Variants in UCHL5 observed in about 807,000 individuals in gnomAD.
The protein encoded by UCHL5 is ubiquitin C-terminal hydrolase L5, also known as ubiquitin carboxyl-terminal hydrolase isozyme L5.
In UCHL5, 34 loss-of-function variants were observed where a neutral mutation model predicts 53.8. That is an observed-to-expected ratio of 0.63 (90% CI 0.48 to 0.84). The LOEUF (loss-of-function observed/expected upper bound fraction) is 0.84. Ranked by LOEUF, UCHL5 falls within the 40% of genes least tolerant of loss-of-function variation. The pLI, the probability that UCHL5 is intolerant of heterozygous loss-of-function variation, is 0.00. For synonymous variants in UCHL5, 111 were observed against 126.3 expected, an observed-to-expected ratio of 0.88 and a Z score of 0.81; for missense variants, 290 against 385.6, an observed-to-expected ratio of 0.75 and a Z score of 2.08.
intron 1 of UCHL5, among the ~76,000 whole-genome samples, chr1:193,058,866 G>A (rs1572013341): frequency 6.6e-6 from 1 of 152,222 alleles, no homozygotes; most frequent in Non-Finnish European, 1.5e-5. Flanking sequence ...CAGTGCAAAG[G>A]GCAATACGTG....
At position 193,059,115 on chromosome 1, in the gene UCHL5, G is replaced by A. The variant is rs1671915207; in HGVS notation, c.76+70C>T. ...GACGCGGGGCGGCGGTGGCCGCAGGGAACCACTCCATGCCCAGCTTGGGCC... is the reference window on the plus strand; with the variant it reads ...GACGCGGGGCGGCGGTGGCCGCAGGAAACCACTCCATGCCCAGCTTGGGCC... On this transcript the variant is annotated intron_variant, in intron 1 of 10. Coordinates refer to ENST00000367454, the MANE Select transcript of UCHL5 (RefSeq NM_001199261.3). This position sits in a 1 kb window ranked among gnomAD's most constrained non-coding sequence, Gnocchi z 4.9. 6.9e-7 allele frequency: 1 copy of A among 1,441,264 alleles called. No homozygotes were observed. The highest frequency in any genetic ancestry group is 2.5e-5 in the East Asian group (1 of 39,518). 89.3% of individuals were successfully genotyped at this position (1,441,264 alleles called of 1,614,324 possible).
intron 2 of UCHL5, among the ~76,000 whole-genome samples, chr1:193,050,902 A>G (rs1284060882): frequency 1.3e-5 from 2 of 152,206 alleles, no homozygotes; most frequent in African/African-American, 4.8e-5. Context: ...AACTACAGGC[A>G]TATGCCACCA....
chr1:193,047,695 GCT>G (rs749507350), intron 3 of UCHL5, among the ~76,000 whole-genome samples: 10 of 152,090 alleles, frequency 6.6e-5, no homozygotes, highest in South Asian at 2.1e-4. Flanking sequence ...ATTATCTATG[GCT>G]CTCTAAGAAT....
chr1:193,040,444 TATC>T (rs1665173036), intron 3 of UCHL5, among the ~76,000 whole-genome samples: 2 of 152,166 alleles, frequency 1.3e-5, no homozygotes, highest in South Asian at 4.1e-4. Flanking sequence ...ACCGCAATGT[TATC>T]ATCTCACCCA....
Position 193,029,056 on chromosome 1 carries a change from A to C in UCHL5, c.565+123T>G, listed in dbSNP as rs549938794. The C allele has an allele frequency of 6.7e-6, 8 of 1,185,414 alleles. No individual in the cohort carries two copies. In the East Asian group the frequency reaches 1.9e-4, roughly 28 times the overall value. The allele number at this position is 1,185,414 out of a possible 1,614,324, so 73.4% of individuals were successfully genotyped here. On this transcript the variant is annotated intron_variant, in intron 6 of 10. Coordinates refer to ENST00000367454, the MANE Select transcript of UCHL5 (RefSeq NM_001199261.3). ...ACACACTGAAGAGCTTAAGGCCTTC[A>C]TTATATTATGTTACCTCATAGTCAC...
At chr1:193,059,559 T>G (rs1168222410), upstream of UCHL5, 1 of 1,517,592 alleles carries the variant, frequency 6.6e-7, no homozygotes, top group East Asian at 2.7e-5. This position sits in a 1 kb window ranked among gnomAD's most constrained non-coding sequence, Gnocchi z 4.9. Context: ...GGAGGCAACA[T>G]CCGGGATCCT....
intron 9 of UCHL5, among the ~76,000 whole-genome samples, chr1:193,022,369 TAC>T (rs1273607541): frequency 6.6e-6 from 1 of 152,096 alleles, no homozygotes; most frequent in Non-Finnish European, 1.5e-5. Context: ...AATCCTTTAC[TAC>T]CATAACACAT....
chr1:193,058,567 G>T (rs77701939), intron 1 of UCHL5, among the ~76,000 whole-genome samples: 2,112 of 152,366 alleles, frequency 0.014, 46 homozygotes, highest in African/African-American at 0.049. Context: ...TAGAACACTA[G>T]CTCAAGAAAA....
Position 193,023,009 on chromosome 1 carries a change from T to C in UCHL5, c.760A>G (p.Ser254Gly), listed in dbSNP as rs773059734. 5.6e-6 allele frequency: 9 copies of C among 1,613,140 alleles called. No homozygotes were observed. In the East Asian group the frequency reaches 1.8e-4, roughly 32 times the overall value. Residue 254 changes from serine to glycine, a missense_variant, in exon 9 of 11, where the codon AGT (serine) becomes GGT (glycine). Coordinates refer to ENST00000367454, the MANE Select transcript of UCHL5 (RefSeq NM_001199261.3). ...TCTGACTGAATAGCACTTAACATAC[T>C]ATTACCTTGATCTGTATCCATGGGT... ...EEPMDTDQGN[S>G]MLSAIQSEVA...
upstream of UCHL5, chr1:193,059,368 A>T (rs1319108764): frequency 4.4e-6 from 7 of 1,606,616 alleles, no homozygotes; most frequent in African/African-American, 9.4e-5. The surrounding 1 kb of genome is among the most constrained non-coding windows in gnomAD (Gnocchi z 4.9). Flanking sequence ...CTCGTCAACC[A>T]CACGTCACCC....
intron 7 of UCHL5, among the ~76,000 whole-genome samples, chr1:193,024,194 G>A (rs887207446): frequency 6.6e-6 from 1 of 151,468 alleles, no homozygotes; most frequent in African/African-American, 2.4e-5. Context: ...AGTGAGCTAT[G>A]ATAGTGCACT....
rs1011623267 is a variant in UCHL5, at chr1:193,015,361, T to C, written c.*990A>G. ...ACTTCCTTTAAAAAAGAAAGCTTTA[T>C]AAAGTCTTCTTTAAAGTCTGACTTG... On this transcript the variant is annotated 3_prime_UTR_variant, in exon 11 of 11. Transcript: ENST00000367454. The C allele has an allele frequency of 2.0e-5, 3 of 152,064 alleles. No individual in the cohort carries two copies. The highest frequency in any genetic ancestry group is 7.2e-5 in the African/African-American group (3 of 41,442). The allele number at this position is 152,064 out of a possible 1,614,324, so 9.4% of individuals were successfully genotyped here.
chr1:193,054,022 C>CA (rs11420240), intron 1 of UCHL5, among the ~76,000 whole-genome samples: 105,235 of 139,862 alleles, frequency 0.75, 39,014 homozygotes, highest in Non-Finnish European at 0.78. Context: ...CACTGGTTAC[C>CA]AAAAAAAAAA....
chr1:193,037,831 T>C (rs1380027300), intron 3 of UCHL5, among the ~76,000 whole-genome samples: 7 of 144,400 alleles, frequency 4.8e-5, no homozygotes, highest in Non-Finnish European at 1.0e-4. Context: ...GGCACATGTA[T>C]ACATATGTAA....
In UCHL5 at chr1:193,041,566, G is replaced by A. The variant is rs188308720; in HGVS notation, c.246+8180C>T. ...GAACAGCTACTTCAGAAAACGTTTG[G>A]ATATTTCCTTCAAAAGTTGCACATT... On this transcript the variant is annotated intron_variant, in intron 3 of 10. Coordinates refer to ENST00000367454, the MANE Select transcript of UCHL5 (RefSeq NM_001199261.3). 9.2e-5 allele frequency among the ~76,000 whole-genome samples: 14 copies of A among 152,200 alleles called. No individual in the cohort carries two copies. In the East Asian group the frequency reaches 2.7e-3, roughly 29 times the overall value.
chr1:193,020,994 G>C (rs1484996598), intron 10 of UCHL5, 103 bp downstream of exon 10: 6 of 780,930 alleles, frequency 7.7e-6, no homozygotes, highest in Non-Finnish European at 1.2e-5. Flanking sequence ...AAACGTACAA[G>C]CTTCCAAAAA....
intron 10 of UCHL5, among the ~76,000 whole-genome samples, chr1:193,020,818 T>C (rs1050014462): frequency 6.6e-6 from 1 of 151,942 alleles, no homozygotes; most frequent in Non-Finnish European, 1.5e-5. Flanking sequence ...CTACTTTTGC[T>C]TAAAGGAAGT....
intron 7 of UCHL5, 80 bp downstream of exon 7, chr1:193,027,995 ATGCACACTGC>A: frequency 6.4e-7 from 1 of 1,571,276 alleles, no homozygotes; most frequent in East Asian, 2.3e-5. Context: ...TAGATGTTCA[ATGCACACTGC>A]TAAAATAACA....
rs1474972942 is a variant in UCHL5 at position 193,051,759 on chromosome 1, T to C, written c.135A>G (p.Lys45=). 10 of 1,587,794 alleles carry C rather than the reference T, an allele frequency of 6.3e-6. No individual in the cohort carries two copies. The highest frequency in any genetic ancestry group is 1.4e-5 in the African/African-American group (1 of 73,914). Residue 45 remains lysine, a synonymous_variant, in exon 2 of 11, where the codon AAA becomes AAG. Transcript: ENST00000367454. ...ACAACTAAAATTATACTTACTTTAA[T>C]TTTTCAAAATTCTCAGGCTCTAAAC... ...IWSLEPENFE[K]LKPVHGLIFL...
Sources: allele counts gnomAD v4.1 joint callset (sites outside exome capture counted in the v4.1 genomes callset), GRCh38; gene constraint gnomAD v4.1.1; non-coding constraint Gnocchi (gnomAD v3.1); transcripts MANE v1.5; gene names NCBI Gene and HGNC (gene_info 2026-07-23, HGNC 2026-07-21).